The following GRIK1 variants were observed in gnomAD, a reference collection of about 807,000 sequenced individuals.
GRIK1 encodes glutamate receptor ionotropic, kainate 1.
GRIK1 carries 69 observed loss-of-function variants against 105.7 expected under a neutral mutation model. The ratio of observed to expected loss-of-function variants is 0.65; its 90% confidence interval spans 0.54 to 0.80. The LOEUF is 0.80. Among genes scored for constraint, GRIK1 ranks in the 30% least tolerant of loss-of-function variants. The probability of loss-of-function intolerance (pLI) is 0.00; values close to 1 mark genes in which losing one functional copy is unlikely to be tolerated. For synonymous variants in GRIK1, 438 were observed against 431.3 expected (o/e 1.02, Z -0.19); for missense variants, 1,109 against 1,167.3 (o/e 0.95, Z 0.73).
chr21:29,656,062 G>C (rs1415444246), intron 4 of GRIK1, among the ~76,000 whole-genome samples: 1 of 151,366 alleles, frequency 6.6e-6, no homozygotes, highest in African/African-American at 2.4e-5. Flanking sequence ...TTTTGTCTTT[G>C]CATAGAAATG....
intron 1 of GRIK1, among the ~76,000 whole-genome samples, chr21:29,896,234 T>G (rs557416351): frequency 1.2e-4 from 18 of 152,334 alleles, no homozygotes; most frequent in African/African-American, 4.1e-4. Context: ...GATACATTAT[T>G]GCTTTTGATG....
chr21:29,699,841 G>C (rs935871866), intron 1 of GRIK1, among the ~76,000 whole-genome samples: 1 of 151,984 alleles, frequency 6.6e-6, no homozygotes. Flanking sequence ...TACAGAGAGG[G>C]TTTCGGCATG....
chr21:29,741,475 G>T (rs1006119310), intron 1 of GRIK1, among the ~76,000 whole-genome samples: 1 of 152,082 alleles, frequency 6.6e-6, no homozygotes, highest in Non-Finnish European at 1.5e-5. Context: ...CTGCTATTTA[G>T]TATCTTATCA....
At chr21:29,756,748 A>G (rs2065352951) in intron 1 of GRIK1, among the ~76,000 whole-genome samples, 1 of 152,144 alleles carries the variant, frequency 6.6e-6, no homozygotes, top group Non-Finnish European at 1.5e-5. Context: ...ATGAAACACA[A>G]CAGTTTAAAA....
At chr21:29,744,915 C>T (rs150380238) in intron 1 of GRIK1, among the ~76,000 whole-genome samples, 77 of 152,320 alleles carry the variant, frequency 5.1e-4, no homozygotes, top group African/African-American at 1.8e-3. Flanking sequence ...CTTAGAGAAA[C>T]GTAGTCACTT....
At chr21:29,747,725 A>G (rs995582336) in intron 1 of GRIK1, among the ~76,000 whole-genome samples, 2 of 152,166 alleles carry the variant, frequency 1.3e-5, no homozygotes, top group Non-Finnish European at 2.9e-5. Context: ...GCTACTCGGG[A>G]GGCTGAGGCA....
chr21:29,596,589 A>G lies in GRIK1; in HGVS notation c.1207-19T>C, dbSNP rs770354408. On this transcript the variant is annotated intron_variant, in intron 8 of 17. Transcript: ENST00000327783. Reference sequence around the variant, plus strand: ...CAGCAGCCTTGGTTTTCAGAGAGAAAAATAAAATAAAAACAGCACTTAATT... The same window carrying G: ...CAGCAGCCTTGGTTTTCAGAGAGAAGAATAAAATAAAAACAGCACTTAATT... 1 of 1,582,340 alleles carries G rather than the reference A, an allele frequency of 6.3e-7. No individual in the cohort carries two copies. Among genetic ancestry groups the G allele is most frequent in the Non-Finnish European group, 8.7e-7 (1 of 1,151,156 alleles).
intron 5 of GRIK1, among the ~76,000 whole-genome samples, chr21:29,653,461 A>T (rs1461865475): frequency 6.6e-6 from 1 of 152,218 alleles, no homozygotes; most frequent in African/African-American, 2.4e-5. Flanking sequence ...GTGCACATTT[A>T]TTCATCCTCT....
intron 1 of GRIK1, among the ~76,000 whole-genome samples, chr21:29,884,660 T>C (rs2069544215): frequency 6.6e-6 from 1 of 152,088 alleles, no homozygotes; most frequent in Non-Finnish European, 1.5e-5. Context: ...TAGTAATAAC[T>C]GAAAACATAG....
intron 2 of GRIK1, among the ~76,000 whole-genome samples, chr21:29,692,861 C>G (rs900002648): frequency 2.0e-5 from 3 of 152,208 alleles, no homozygotes; most frequent in African/African-American, 7.2e-5. Context: ...GCATGAGCCA[C>G]TGCGCCCTGC....
chr21:29,567,954 G>A (rs1274354843), intron 14 of GRIK1, among the ~76,000 whole-genome samples: 1 of 152,164 alleles, frequency 6.6e-6, no homozygotes, highest in Non-Finnish European at 1.5e-5. Flanking sequence ...AGTTGATTAT[G>A]TCTTTATCTT....
chr21:29,872,550 G>A (rs568486027), intron 1 of GRIK1, among the ~76,000 whole-genome samples: 2 of 152,272 alleles, frequency 1.3e-5, no homozygotes, highest in African/African-American at 4.8e-5. Flanking sequence ...CACTGAGGAA[G>A]AATAAACCCT....
intron 7 of GRIK1, among the ~76,000 whole-genome samples, chr21:29,621,703 G>A (rs1289559825): frequency 6.6e-6 from 1 of 152,134 alleles, no homozygotes; most frequent in Non-Finnish European, 1.5e-5. Flanking sequence ...GACAAGACTG[G>A]TATGAAATGG....
Position 29,589,024 on chromosome 21 carries a change from A to G in GRIK1, c.1384T>C (p.Tyr462His). 2 of 1,589,724 alleles carry G rather than the reference A, an allele frequency of 1.3e-6. No individual in the cohort carries two copies. The highest frequency in any genetic ancestry group is 1.7e-6 in the Non-Finnish European group (2 of 1,157,972). ...TTILEEPYVM[Y>H]RKSDKPLYGN... ...TATAGAGGCTTATCAGATTTCCTGT[A>G]CATAACATAGGGTTCTTCCTAAATG... Residue 462 changes from tyrosine to histidine, a missense_variant, in exon 11 of 18, where the codon TAC becomes CAC. Tyr to His is a moderately conservative substitution (Grantham distance 83). Around this residue, in one of 5 missense-constraint regions of GRIK1, gnomAD observed 612 missense variants for 586.0 expected, o/e 1.04. Transcript: ENST00000327783.
At chr21:29,851,427 G>A (rs2068300829) in intron 1 of GRIK1, among the ~76,000 whole-genome samples, 1 of 152,130 alleles carries the variant, frequency 6.6e-6, no homozygotes, top group Non-Finnish European at 1.5e-5. Context: ...GGCAATAATA[G>A]ACAAAAGGGA....
At chr21:29,826,598 G>T (rs457012) in intron 1 of GRIK1, among the ~76,000 whole-genome samples, 59,098 of 152,010 alleles carry the variant, frequency 0.39, 12,580 homozygotes, top group East Asian at 0.7. Context: ...CCACCCTGCA[G>T]ATTTTGGGCT....
intron 1 of GRIK1, among the ~76,000 whole-genome samples, chr21:29,825,717 A>C (rs1014274311): frequency 1.3e-5 from 2 of 152,108 alleles, no homozygotes; most frequent in African/African-American, 4.8e-5. Flanking sequence ...TCTTAGAGAA[A>C]AGGAGTACTG....
At chr21:29,911,936 C>T (rs964805055) in intron 1 of GRIK1, among the ~76,000 whole-genome samples, 2 of 152,010 alleles carry the variant, frequency 1.3e-5, no homozygotes, top group South Asian at 2.1e-4. Context: ...GATTTTATAT[C>T]ATTATATTGT....
At chr21:29,687,215 C>T (rs1038790017) in intron 3 of GRIK1, among the ~76,000 whole-genome samples, 6 of 152,154 alleles carry the variant, frequency 3.9e-5, no homozygotes. Flanking sequence ...TCTGTGTTGG[C>T]TTCAGGCTAT....
Sources: allele counts gnomAD v4.1 joint callset (sites outside exome capture counted in the v4.1 genomes callset), GRCh38; gene constraint gnomAD v4.1.1; regional missense constraint gnomAD v4.1.1; transcripts MANE v1.5; gene names NCBI Gene and HGNC (gene_info 2026-07-23, HGNC 2026-07-21).